RCN3: variants seen among roughly 807,000 people sequenced by gnomAD.
The protein encoded by RCN3 is reticulocalbin 3, also known as reticulocalbin-3.
RCN3 carries 41 observed loss-of-function variants against 35.9 expected under a neutral mutation model. The observed-to-expected ratio is 1.14, with a 90% CI of 0.89 to 1.48. The LOEUF (loss-of-function observed/expected upper bound fraction) is 1.48, where lower values mean the gene tolerates loss of function less well. Ranked by LOEUF, RCN3 falls within the 40% of genes most tolerant of loss-of-function variation. The probability of loss-of-function intolerance (pLI) is 0.00; values close to 1 mark genes in which losing one functional copy is unlikely to be tolerated. For synonymous variants in RCN3, 187 were observed against 193.4 expected (o/e 0.97, Z 0.27); for missense variants, 451 against 471.3 (o/e 0.96, Z 0.40).
chr19:49,537,324 T>C (rs2080141238), intron 4 of RCN3, 119 bp downstream of exon 4: 2 of 1,065,900 alleles, frequency 1.9e-6, no homozygotes, highest in Middle Eastern at 3.4e-4. Context: ...CTCCAGCATC[T>C]TGCCGGGGAA....
At chr19:49,534,458 C>T in intron 3 of RCN3, 63 bp downstream of exon 3, 2 of 1,501,342 alleles carry the variant, frequency 1.3e-6, no homozygotes, top group South Asian at 1.2e-5. Flanking sequence ...TGGACCGCCT[C>T]ATTCTGAGAA....
chr19:49,537,303 G>A, intron 4 of RCN3, 98 bp downstream of exon 4: 1 of 1,210,172 alleles, frequency 8.3e-7, no homozygotes, highest in Non-Finnish European at 1.1e-6. Context: ...GGGGCAGGCA[G>A]TCACCTGGTT....
In RCN3 at chr19:49,537,141, G is replaced by C; in HGVS notation, c.554G>C (p.Arg185Pro). 1 of 1,596,510 alleles carries C rather than the reference G, an allele frequency of 6.3e-7. No homozygotes were observed. The change falls in exon 4 of 7, where the codon CGA (arginine) becomes CCA (proline). Residue 185 changes from arginine (R) to proline (P), a missense_variant. Physicochemically the swap from Arg to Pro is moderately radical, Grantham distance 103. Coordinates refer to ENST00000270645, the MANE Select transcript of RCN3 (RefSeq NM_020650.3). ...CAGGATGGGGACTCGATGGCCACTCGAGAGGAGCTGACAGCCTTCCTGCAC... is the reference window on the plus strand; with the variant it reads ...CAGGATGGGGACTCGATGGCCACTCCAGAGGAGCTGACAGCCTTCCTGCAC... The part of the protein sequence containing the change: ...ADQDGDSMAT[R>P]EELTAFLHPE...
At chr19:49,528,778 T>A in intron 2 of RCN3, 64 bp downstream of exon 2, 3 of 1,438,006 alleles carry the variant, frequency 2.1e-6, no homozygotes, top group Non-Finnish European at 2.8e-6. Context: ...CGCGGGGGTA[T>A]CGACAGGGGT....
chr19:49,529,810 G>A (rs1002715472), intron 2 of RCN3, among the ~76,000 whole-genome samples: 14 of 152,132 alleles, frequency 9.2e-5, no homozygotes, highest in African/African-American at 3.4e-4. Context: ...AGGCTGGAGT[G>A]CAGTGGTGCG....
intron 3 of RCN3, among the ~76,000 whole-genome samples, chr19:49,534,719 C>A (rs2080126276): frequency 6.6e-6 from 1 of 152,092 alleles, no homozygotes; most frequent in African/African-American, 2.4e-5. Context: ...AATTAAAAGT[C>A]CAATGCTCTA....
At chr19:49,539,300 G>A in intron 5 of RCN3, 121 bp downstream of exon 5, 1 of 717,312 alleles carries the variant, frequency 1.4e-6, no homozygotes, top group Non-Finnish European at 2.3e-6. Flanking sequence ...AGACATGGGG[G>A]CAGGGGCACT....
At chr19:49,530,356 A>C in intron 2 of RCN3, among the ~76,000 whole-genome samples, 1 of 145,126 alleles carries the variant, frequency 6.9e-6, no homozygotes, top group African/African-American at 2.6e-5. Flanking sequence ...ATTTTAGTAG[A>C]GATGGGGTTT....
At chr19:49,541,591 C>G (rs2080163111) in intron 5 of RCN3, among the ~76,000 whole-genome samples, 1 of 151,856 alleles carries the variant, frequency 6.6e-6, no homozygotes. Context: ...TCTACTAAAA[C>G]TAGAAAAATT....
At chr19:49,537,542 G>A (rs1008958546) in intron 4 of RCN3, among the ~76,000 whole-genome samples, 1 of 150,600 alleles carries the variant, frequency 6.6e-6, no homozygotes, top group Non-Finnish European at 1.5e-5. Context: ...AGTCTCCCTC[G>A]GTTGCCCAGG....
rs1332221511 is a variant in RCN3, at chr19:49,543,045, CA to C, written c.880-60del. 32 of 1,364,340 alleles carry C rather than the reference CA, an allele frequency of 2.3e-5. No homozygotes were observed. The East Asian group carries it at 6.4e-4, about 27-fold the overall frequency. The allele number at this position is 1,364,340 out of a possible 1,614,324, so 84.5% of individuals were successfully genotyped here. A position where few individuals can be genotyped will look rare whatever the true frequency, so the allele number is the denominator to read the frequency against. ...AGAGACTTCGGGACACGCTTGGATGCAGGGAGGGCTTTTGAAAGCAGGGCCG... is the reference window on the plus strand; with the variant it reads ...AGAGACTTCGGGACACGCTTGGATGCGGGAGGGCTTTTGAAAGCAGGGCCG... On this transcript the variant is annotated intron_variant, in intron 6 of 6. Transcript: ENST00000270645.
chr19:49,536,288 CTTTTTTT>C (rs968434638), intron 3 of RCN3, among the ~76,000 whole-genome samples: 69 of 70,828 alleles, frequency 9.7e-4, no homozygotes, highest in Middle Eastern at 0.015. Context: ...ACCCGGCCTA[CTTTTTTT>C]TTTTTTTTTT....
intron 3 of RCN3, among the ~76,000 whole-genome samples, chr19:49,536,740 C>G (rs2080137539): frequency 6.6e-6 from 1 of 151,346 alleles, no homozygotes; most frequent in Non-Finnish European, 1.5e-5. Flanking sequence ...TCCCGAGTAG[C>G]TGGGATTACA....
rs1182571033 is a variant in RCN3 at position 49,539,155 on chromosome 19, T to A, written c.655T>A (p.Tyr219Asn). 6.2e-7 allele frequency: 1 copy of A among 1,610,440 alleles called. No individual in the cohort carries two copies. The change falls in exon 5 of 7, where the codon TAT (tyrosine) becomes AAT (asparagine). Residue 219 changes from tyrosine to asparagine, a missense_variant. By Grantham distance (143) the Tyr-to-Asn change is moderately radical. Coordinates refer to ENST00000270645, the MANE Select transcript of RCN3 (RefSeq NM_020650.3). ...GGACCTGGACAGAAACAAAGATGGC[T>A]ATGTCCAGGTGGAGGAGTACATCGG... ...LEDLDRNKDGYVQVEEYIADL... is the reference protein window; with the variant it reads ...LEDLDRNKDGNVQVEEYIADL...
rs2122733581 is a variant in RCN3 at position 49,538,046 on chromosome 19, C to T, written c.618+841C>T. Among the ~76,000 whole-genome samples the T allele has an allele frequency of 1.3e-5, 2 of 151,238 alleles. 1 individual carries two copies. The highest frequency in any genetic ancestry group is 4.9e-5 in the African/African-American group (2 of 41,184). Reference sequence around the variant, plus strand: ...TAACTCTGTTACCCAGACCGGAGGGCAGTGGCTCAATCTCAGCTCACTGCA... The same window carrying T: ...TAACTCTGTTACCCAGACCGGAGGGTAGTGGCTCAATCTCAGCTCACTGCA... On this transcript the variant is annotated intron_variant, in intron 4 of 6. Coordinates refer to ENST00000270645, the MANE Select transcript of RCN3 (RefSeq NM_020650.3).
chr19:49,543,113 G>A lies in RCN3; in HGVS notation c.887G>A (p.Arg296Gln), dbSNP rs544405108. 1.5e-5 allele frequency: 25 copies of A among 1,614,058 alleles called. No homozygotes were observed. The highest frequency in any genetic ancestry group is 4.5e-5 in the East Asian group (2 of 44,880). ...LHESDTDKDG[R>Q]LSKAEILGNW... ...CCCTGACCCTCCCTCCAGGATGGGC[G>A]GCTGAGCAAAGCGGAAATCCTGGGT... is the stretch of plus-strand genomic sequence containing the variant. Residue 296 changes from arginine to glutamine, a missense_variant, in exon 7 of 7, where the codon CGG becomes CAG. Physicochemically the swap from Arg to Gln is conservative, Grantham distance 43. Coordinates refer to ENST00000270645, the MANE Select transcript of RCN3 (RefSeq NM_020650.3).
intron 2 of RCN3, 101 bp downstream of exon 2, chr19:49,528,815 A>T: frequency 7.6e-7 from 1 of 1,317,246 alleles, no homozygotes; most frequent in Non-Finnish European, 1.0e-6. Flanking sequence ...ACTGAACTTC[A>T]TTTCTTTGTG....
At chr19:49,537,570 G>A (rs1305056873) in intron 4 of RCN3, among the ~76,000 whole-genome samples, 16 of 151,480 alleles carry the variant, frequency 1.1e-4, no homozygotes, top group Admixed American at 9.9e-4. Flanking sequence ...GCAGTGGTGC[G>A]ATCTCAGCTC....
At chr19:49,541,247 C>T (rs995839453) in intron 5 of RCN3, among the ~76,000 whole-genome samples, 4 of 151,912 alleles carry the variant, frequency 2.6e-5, no homozygotes, top group Admixed American at 2.6e-4. Context: ...TCAATTACTT[C>T]ATCCCATTAA....
Sources: allele counts gnomAD v4.1 joint callset (sites outside exome capture counted in the v4.1 genomes callset), GRCh38; gene constraint gnomAD v4.1.1; transcripts MANE v1.5; gene names NCBI Gene and HGNC (gene_info 2026-07-23, HGNC 2026-07-21).